Variants in SGIP1 observed in about 807,000 individuals in gnomAD.
SGIP1 encodes SH3GL interacting endocytic adaptor 1, also known as SH3-containing GRB2-like protein 3-interacting protein 1.
SGIP1 carries 38 observed loss-of-function variants against 107.5 expected under a neutral mutation model. The ratio of observed to expected loss-of-function variants is 0.35; its 90% CI spans 0.27 to 0.46. SGIP1 has a LOEUF of 0.46. Ranked by LOEUF, SGIP1 falls within the 20% of genes least tolerant of loss-of-function variation. The pLI is 1.00. For synonymous variants in SGIP1, 365 were observed against 366.1 expected (o/e 1.00, Z 0.03); for missense variants, 929 against 1,019.5 (o/e 0.91, Z 1.21).
chr1:66,647,966 G>T (rs1182828936), intron 7 of SGIP1, among the ~76,000 whole-genome samples: 1 of 152,206 alleles, frequency 6.6e-6, no homozygotes, highest in Non-Finnish European at 1.5e-5. Context: ...TGTGCAAGAT[G>T]TTTTTTAAGG....
At chr1:66,621,056 A>T (rs912298041) in intron 1 of SGIP1, among the ~76,000 whole-genome samples, 1 of 152,202 alleles carries the variant, frequency 6.6e-6, no homozygotes, top group Non-Finnish European at 1.5e-5. Flanking sequence ...ATCTAGTGGG[A>T]TTAATATAAC....
At chr1:66,623,545 C>G (rs114182420) in intron 1 of SGIP1, among the ~76,000 whole-genome samples, 3,312 of 152,312 alleles carry the variant, frequency 0.022, 118 homozygotes, top group African/African-American at 0.075. Flanking sequence ...GCTACTGCAC[C>G]TGGCCCAAAC....
At chr1:66,715,644 C>A (rs1266970438) in intron 18 of SGIP1, among the ~76,000 whole-genome samples, 1 of 152,154 alleles carries the variant, frequency 6.6e-6, no homozygotes, top group Admixed American at 6.6e-5. Flanking sequence ...CTACGACCAT[C>A]ATTTCTAGTG....
intron 7 of SGIP1, among the ~76,000 whole-genome samples, chr1:66,650,774 T>G (rs1053113224): frequency 6.6e-6 from 1 of 152,206 alleles, no homozygotes; most frequent in Non-Finnish European, 1.5e-5. Flanking sequence ...GATCTTTTCC[T>G]TTTATAATGT....
chr1:66,582,342 G>A (rs185104231), intron 1 of SGIP1, among the ~76,000 whole-genome samples: 2 of 152,180 alleles, frequency 1.3e-5, no homozygotes, highest in Admixed American at 1.3e-4. Flanking sequence ...AGATGAACTG[G>A]TGAATGAAGG....
At chr1:66,720,390 TA>T (rs1194215821) in intron 19 of SGIP1, among the ~76,000 whole-genome samples, 2 of 152,206 alleles carry the variant, frequency 1.3e-5, no homozygotes, top group South Asian at 2.1e-4. Context: ...TTAATTTTTT[TA>T]CTTACAAAGA....
intron 1 of SGIP1, among the ~76,000 whole-genome samples, chr1:66,547,180 C>G (rs560653700): frequency 6.6e-6 from 1 of 152,248 alleles, no homozygotes; most frequent in African/African-American, 2.4e-5. Context: ...CAGGCAACCC[C>G]TTTCCACATA....
rs557179469 is a variant in SGIP1 at position 66,624,886 on chromosome 1, A to G, written c.11-961A>G. ...GATGGGAAACACAAACAGCCTTGAC[A>G]AGAGAAGTACAGAAGAACCAAGACT... is the stretch of plus-strand genomic sequence containing the variant. On this transcript the variant is annotated intron_variant, in intron 1 of 24. Transcript: ENST00000371037. Among the ~76,000 whole-genome samples, 11 of 152,310 alleles carry G rather than the reference A, an allele frequency of 7.2e-5. No homozygotes were observed. The South Asian group carries it at 2.1e-3, about 29-fold the overall frequency.
intron 1 of SGIP1, among the ~76,000 whole-genome samples, chr1:66,563,875 C>G (rs12081718): frequency 0.21 from 31,549 of 151,912 alleles, 3,957 homozygotes; most frequent in African/African-American, 0.36. Flanking sequence ...TTCCTTAACT[C>G]TTAGAAAGCT....
chr1:66,546,112 T>C (rs1449622412), intron 1 of SGIP1, among the ~76,000 whole-genome samples: 1 of 152,124 alleles, frequency 6.6e-6, no homozygotes, highest in Non-Finnish European at 1.5e-5. Context: ...TAGAAGAGTA[T>C]TTGGTCCATA....
intron 1 of SGIP1, chr1:66,615,892 G>A (rs2069177330): frequency 1.3e-5 from 2 of 152,274 alleles, no homozygotes. Context: ...TTTACCTAGT[G>A]TTTAAAGTAT....
At chr1:66,690,587 A>C (rs2089601034) in intron 17 of SGIP1, 1 of 301,546 alleles carries the variant, frequency 3.3e-6, no homozygotes, top group Admixed American at 5.0e-5. Flanking sequence ...AAAATAAGTA[A>C]GAAATCGCCA....
At chr1:66,639,016 C>T (rs1362987841) in intron 4 of SGIP1, among the ~76,000 whole-genome samples, 1 of 152,126 alleles carries the variant, frequency 6.6e-6, no homozygotes, top group Non-Finnish European at 1.5e-5. Flanking sequence ...TTGGGTGATG[C>T]CACATCTTTG....
At position 66,657,717 on chromosome 1, in the gene SGIP1, C is replaced by CA. The variant is rs199720601; in HGVS notation, c.460-2787dup. 6.7e-3 allele frequency among the ~76,000 whole-genome samples: 1,003 copies of CA among 150,032 alleles called. 14 individuals carry two copies. The highest frequency in any genetic ancestry group is 0.023 in the African/African-American group (921 of 40,932). On this transcript the variant is annotated intron_variant, in intron 7 of 24. Transcript: ENST00000371037. ...AATTGTGTTTTCTTAGACTATTGGACAAAAAAAAATCCCTGTACTTTGTAA... is the reference window on the plus strand; with the variant it reads ...AATTGTGTTTTCTTAGACTATTGGACAAAAAAAAAATCCCTGTACTTTGTAA...
At chr1:66,564,632 C>T (rs1365669439) in intron 1 of SGIP1, among the ~76,000 whole-genome samples, 1 of 151,896 alleles carries the variant, frequency 6.6e-6, no homozygotes, top group African/African-American at 2.4e-5. Flanking sequence ...CGTGAGCAGA[C>T]AATACAAGCA....
chr1:66,669,784 A>G (rs1262812422), intron 9 of SGIP1, among the ~76,000 whole-genome samples: 2 of 152,212 alleles, frequency 1.3e-5, no homozygotes, highest in African/African-American at 4.8e-5. Flanking sequence ...GAAAGCATCA[A>G]ATGGATCCTT....
chr1:66,542,512 A>G (rs895201374), intron 1 of SGIP1, among the ~76,000 whole-genome samples: 2 of 152,178 alleles, frequency 1.3e-5, no homozygotes, highest in East Asian at 3.8e-4. Context: ...GATATGCAAC[A>G]ATATGATGAC....
chr1:66,737,441 C>A (rs1278321954), intron 21 of SGIP1, among the ~76,000 whole-genome samples: 1 of 152,028 alleles, frequency 6.6e-6, no homozygotes, highest in Non-Finnish European at 1.5e-5. Context: ...GTCTGTAATC[C>A]TAACACTTTG....
chr1:66,643,911 T>C, intron 7 of SGIP1, 192 bp downstream of exon 7: 2 of 400,800 alleles, frequency 5.0e-6, no homozygotes, highest in Non-Finnish European at 8.5e-6. Flanking sequence ...GCAGTCCTTG[T>C]GCTTTTCAAA....
Sources: gnomAD v4.1 joint callset for allele counts (sites outside exome capture counted in the v4.1 genomes callset) on GRCh38, gnomAD v4.1.1 for gene constraint, MANE v1.5 for transcripts, NCBI Gene and HGNC (gene_info 2026-07-23, HGNC 2026-07-21) for gene names.